HHIPL1: variants seen among roughly 807,000 people sequenced by gnomAD.
HHIPL1 encodes the protein HHIP-like protein 1.
A neutral mutation model predicts 61.8 loss-of-function variants in HHIPL1; 43 were observed. That is an observed-to-expected ratio of 0.70 (90% CI 0.55 to 0.90). The LOEUF (loss-of-function observed/expected upper bound fraction) is 0.90, where lower values mean the gene tolerates loss of function less well. Among genes scored for constraint, HHIPL1 ranks in the 40% least tolerant of loss-of-function variants. The probability of loss-of-function intolerance (pLI) is 0.00; values close to 1 mark genes in which losing one functional copy is unlikely to be tolerated. For synonymous variants in HHIPL1, 482 were observed against 515.8 expected, an observed-to-expected ratio of 0.93 and a Z score of 0.89; for missense variants, 1,056 against 1,157.7, an observed-to-expected ratio of 0.91 and a Z score of 1.28.
At chr14:99,632,288 C>T in the HHIPL1 span, among the ~76,000 whole-genome samples, 10 of 152,234 alleles carry the variant, frequency 6.6e-5, no homozygotes, top group Non-Finnish European at 8.8e-5. Context: ...CTTACCTGCA[C>T]TCTCAGAGGT....
At chr14:99,619,771 C>G in the HHIPL1 span, among the ~76,000 whole-genome samples, 1 of 151,588 alleles carries the variant, frequency 6.6e-6, no homozygotes, top group Non-Finnish European at 1.5e-5. Flanking sequence ...TTAGCCCAGC[C>G]GTGGTGCGTG....
the HHIPL1 span, among the ~76,000 whole-genome samples, chr14:99,621,715 T>C: frequency 2.5e-5 from 3 of 119,940 alleles, no homozygotes; most frequent in African/African-American, 9.1e-5. Flanking sequence ...TTTTCTTTTT[T>C]TTTTTTTTTT....
the HHIPL1 span, among the ~76,000 whole-genome samples, chr14:99,633,928 G>A: frequency 1.3e-5 from 2 of 152,356 alleles, no homozygotes; most frequent in Non-Finnish European, 2.9e-5. Context: ...CCTGGTGTGT[G>A]AGAAAAGCAC....
chr14:99,637,219 A>T, the HHIPL1 span, among the ~76,000 whole-genome samples: 59 of 130,950 alleles, frequency 4.5e-4, no homozygotes, highest in Admixed American at 7.3e-4. Flanking sequence ...AAAGAAAGAA[A>T]GAAAGAAAGA....
chr14:99,619,231 G>A, the HHIPL1 span, among the ~76,000 whole-genome samples: 1 of 152,070 alleles, frequency 6.6e-6, no homozygotes, highest in Non-Finnish European at 1.5e-5. Context: ...GGGAGGCTGA[G>A]GCAGGCAGAT....
chr14:99,666,441 G>A (rs1473568255), intron 6 of HHIPL1, among the ~76,000 whole-genome samples: 1 of 152,200 alleles, frequency 6.6e-6, no homozygotes, highest in Admixed American at 6.5e-5. Flanking sequence ...GGCTGGAAGG[G>A]GCCTTGCAGT....
the HHIPL1 span, among the ~76,000 whole-genome samples, chr14:99,628,101 C>G: frequency 1.3e-5 from 2 of 152,078 alleles, no homozygotes; most frequent in Non-Finnish European, 2.9e-5. Context: ...GTGGGAGGAC[C>G]GAGGCCCAGA....
chr14:99,615,302 C>CT, the HHIPL1 span, among the ~76,000 whole-genome samples: 2 of 152,166 alleles, frequency 1.3e-5, no homozygotes, highest in Non-Finnish European at 2.9e-5. Flanking sequence ...AATCCCAGCA[C>CT]TTTAGGAGCC....
At chr14:99,636,064 G>T in the HHIPL1 span, among the ~76,000 whole-genome samples, 2 of 152,098 alleles carry the variant, frequency 1.3e-5, no homozygotes, top group African/African-American at 4.8e-5. Context: ...GGGGCACTGG[G>T]TTCAAATCCG....
At chr14:99,661,694 G>A (rs1178558709) in intron 5 of HHIPL1, among the ~76,000 whole-genome samples, 1 of 152,158 alleles carries the variant, frequency 6.6e-6, no homozygotes, top group Non-Finnish European at 1.5e-5. Context: ...TCTTGAACTG[G>A]ACTCAAGCAA....
At chr14:99,614,215 G>A in the HHIPL1 span, among the ~76,000 whole-genome samples, 1 of 152,184 alleles carries the variant, frequency 6.6e-6, no homozygotes, top group Non-Finnish European at 1.5e-5. Flanking sequence ...TGAGGCGGGA[G>A]GGGATGCTCT....
intron 1 of HHIPL1, among the ~76,000 whole-genome samples, chr14:99,650,407 G>C (rs1595149017): frequency 6.6e-6 from 1 of 152,232 alleles, no homozygotes; most frequent in Non-Finnish European, 1.5e-5. Flanking sequence ...ACAGGTGGGG[G>C]AGGGTGTCAG....
At chr14:99,671,024 TAAG>T (rs1020633918) in intron 7 of HHIPL1, among the ~76,000 whole-genome samples, 9 of 152,172 alleles carry the variant, frequency 5.9e-5, no homozygotes, top group Admixed American at 2.0e-4. Flanking sequence ...CAACGAGACT[TAAG>T]GAGTTCTCTC....
chr14:99,644,869 T>C (rs2055801758), upstream of HHIPL1, among the ~76,000 whole-genome samples: 2 of 152,194 alleles, frequency 1.3e-5, no homozygotes, highest in South Asian at 4.1e-4. Flanking sequence ...TCCAGGCCTC[T>C]GGCCCTGCGC....
chr14:99,639,911 C>T, the HHIPL1 span, among the ~76,000 whole-genome samples: 3 of 152,230 alleles, frequency 2.0e-5, no homozygotes, highest in Non-Finnish European at 4.4e-5. Context: ...CCTCCCACAT[C>T]GGCCTCCCAA....
chr14:99,665,084 C>T (rs1019573550), intron 6 of HHIPL1, among the ~76,000 whole-genome samples: 4 of 152,018 alleles, frequency 2.6e-5, no homozygotes, highest in East Asian at 1.9e-4. Flanking sequence ...CCGCCACACC[C>T]GGCTAATTTT....
At chr14:99,665,089 A>G (rs1413115517) in intron 6 of HHIPL1, among the ~76,000 whole-genome samples, 1 of 151,818 alleles carries the variant, frequency 6.6e-6, no homozygotes, top group Non-Finnish European at 1.5e-5. Context: ...ACACCCGGCT[A>G]ATTTTTGTAT....
chr14:99,668,446 G>T lies in HHIPL1; in HGVS notation c.1730+143G>T. 1.6e-6 allele frequency: 1 copy of T among 641,896 alleles called. No individual in the cohort carries two copies. Among genetic ancestry groups the T allele is most frequent in the Non-Finnish European group, 2.8e-6 (1 of 355,876 alleles). The allele number at this position is 641,896 out of a possible 1,614,324, so 39.8% of individuals were successfully genotyped here. ...AGAACCCTGAGGCCCAGAGAGGGAC[G>T]TGATTTGCCTCAGTTCCTCCGGCAA... On this transcript the variant is annotated intron_variant, in intron 7 of 8. Coordinates refer to ENST00000330710, the MANE Select transcript of HHIPL1 (RefSeq NM_001127258.3). This position sits in a 1 kb window ranked among gnomAD's most constrained non-coding sequence, Gnocchi z 4.7.
At chr14:99,642,527 A>AT (rs145210743), upstream of HHIPL1, among the ~76,000 whole-genome samples, 136 of 144,796 alleles carry the variant, frequency 9.4e-4, no homozygotes, top group African/African-American at 1.2e-3. Context: ...ATATCTTTTA[A>AT]TTTTTTTTTT....
Sources: gnomAD v4.1 joint callset for allele counts (sites outside exome capture counted in the v4.1 genomes callset) on GRCh38, gnomAD v4.1.1 for gene constraint, Gnocchi (gnomAD v3.1) non-coding constraint, MANE v1.5 for transcripts, NCBI Gene and HGNC (gene_info 2026-07-23, HGNC 2026-07-21) for gene names.